PCDHA4: variants seen among roughly 807,000 people sequenced by gnomAD.
The protein encoded by PCDHA4 is protocadherin alpha-4.
A neutral mutation model predicts 61.4 loss-of-function variants in PCDHA4; 49 were observed. The ratio of observed to expected loss-of-function variants is 0.80; its 90% CI spans 0.63 to 1.01. PCDHA4 has a LOEUF of 1.01. Ranked by LOEUF, PCDHA4 falls within the 50% of genes least tolerant of loss-of-function variation. The pLI, the probability that PCDHA4 is intolerant of heterozygous loss-of-function variation, is 0.00. For missense variants in PCDHA4, 1,254 were observed against 1,235.8 expected (o/e 1.01, Z -0.22); for synonymous variants, 590 against 550.3 (o/e 1.07, Z -1.01).
chr5:140,926,915 T>A, intron 1 of PCDHA4: 1 of 1,563,726 alleles, frequency 6.4e-7, no homozygotes, highest in Non-Finnish European at 8.7e-7. Flanking sequence ...GGGGTGGCAG[T>A]TTTATGTTTG....
chr5:140,926,767 C>A (rs1323702990), intron 1 of PCDHA4: 1 of 1,359,024 alleles, frequency 7.4e-7, no homozygotes, highest in East Asian at 2.7e-5. Context: ...AGTATCCAGC[C>A]CGCAGCAGTG....
intron 1 of PCDHA4, chr5:140,884,440 G>T: frequency 1.2e-6 from 2 of 1,613,830 alleles, no homozygotes; most frequent in Non-Finnish European, 1.7e-6. Flanking sequence ...TGCGGTGCTC[G>T]GCACCGCCCA....
At chr5:140,978,319 A>G (rs1294780698) in intron 1 of PCDHA4, among the ~76,000 whole-genome samples, 2 of 152,216 alleles carry the variant, frequency 1.3e-5, no homozygotes, top group Admixed American at 1.3e-4. Context: ...AGCAGGAACA[A>G]GTACAAGTTT....
At chr5:140,848,487 G>C (rs782524885) in intron 1 of PCDHA4, 2 of 1,574,380 alleles carry the variant, frequency 1.3e-6, no homozygotes, top group Non-Finnish European at 1.7e-6. Flanking sequence ...AGAAGACTGA[G>C]TATTTGAAAT....
At chr5:140,857,103 C>G in intron 1 of PCDHA4, 1 of 1,597,644 alleles carries the variant, frequency 6.3e-7, no homozygotes, top group Non-Finnish European at 8.6e-7. Flanking sequence ...GTGATTGTCA[C>G]TTCTCTGTCT....
rs146702581 is a variant in PCDHA4 at position 140,929,720 on chromosome 5, C to T, written c.2386-49229C>T. ...TATGAATATAATATGGAAGGTGAAA[C>T]ATTTACTTAAACTATTGCAATGCAT... On this transcript the variant is annotated intron_variant, in intron 1 of 3. Coordinates refer to ENST00000530339, the MANE Select transcript of PCDHA4 (RefSeq NM_018907.4). The T allele has an allele frequency of 2.8e-3, 635 of 224,158 alleles. 4 individuals are homozygous for T. The highest frequency in any genetic ancestry group is 6.2e-3 in the African/African-American group (270 of 43,802). 13.9% of individuals were successfully genotyped at this position (224,158 alleles called of 1,614,324 possible).
chr5:140,957,063 C>T (rs2095330338), intron 1 of PCDHA4, among the ~76,000 whole-genome samples: 2 of 152,058 alleles, frequency 1.3e-5, no homozygotes, highest in African/African-American at 4.8e-5. Flanking sequence ...ATAAATGTGA[C>T]TGAGGGCTTT....
chr5:140,809,345 G>A lies in PCDHA4; in HGVS notation c.2158G>A (p.Ala720Thr), dbSNP rs138998178. The A allele has an allele frequency of 7.9e-5, 128 of 1,614,044 alleles. No homozygotes were observed. Among genetic ancestry groups the A allele is most frequent in the Non-Finnish European group, 1.0e-4 (121 of 1,179,918 alleles). ...GGTGCTCACGCTGCTGCTGTACACC[G>A]CGCTGCGGTGCTCTGCGCTGCCCAC... Reference protein sequence around the residue: ...LLVLTLLLYTALRCSALPTEG... With the variant: ...LLVLTLLLYTTLRCSALPTEG... Residue 720 changes from alanine to threonine, a missense_variant, in exon 1 of 4, where the codon GCG (alanine) becomes ACG (threonine). Ala to Thr is a moderately conservative substitution (Grantham distance 58). Transcript: ENST00000530339.
rs575783501 is a variant in PCDHA4, at chr5:140,807,680, A to G, written c.493A>G (p.Asn165Asp). Reference protein sequence around the residue: ...EGASDADIGENALLTYRLSPN... With the variant: ...EGASDADIGEDALLTYRLSPN... ...CGCCTCGGATGCAGATATCGGGGAG[A>G]ACGCCCTGCTCACTTACAGACTGAG... The change falls in exon 1 of 4, where the codon AAC becomes GAC. Residue 165 changes from asparagine (N) to aspartate (D), a missense_variant. Coordinates refer to ENST00000530339, the MANE Select transcript of PCDHA4 (RefSeq NM_018907.4). 6.2e-7 allele frequency: 1 copy of G among 1,614,200 alleles called. No individual in the cohort carries two copies. The highest frequency in any genetic ancestry group is 1.7e-5 in the Admixed American group (1 of 60,026).
At position 140,851,072 on chromosome 5, in the gene PCDHA4, A is replaced by G; in HGVS notation, c.2385+41500A>G. The stretch of plus-strand genomic sequence containing the variant: ...TTTGTCTTGACTTCTAGTGAGAATT[A>G]TAAACTGTATATTAAATAGATATTT... On this transcript the variant is annotated intron_variant, in intron 1 of 3. Coordinates refer to ENST00000530339, the MANE Select transcript of PCDHA4 (RefSeq NM_018907.4). The G allele has an allele frequency of 5.9e-6, 8 of 1,346,802 alleles. 1 individual carries two copies. The highest frequency in any genetic ancestry group is 7.8e-6 in the Non-Finnish European group (8 of 1,027,866). The allele number at this position is 1,346,802 out of a possible 1,614,324, so 83.4% of individuals were successfully genotyped here. A position where few individuals can be genotyped will look rare whatever the true frequency, so the allele number is the denominator to read the frequency against.
At position 140,882,588 on chromosome 5, in the gene PCDHA4, A is replaced by G; in HGVS notation, c.2385+73016A>G. The G allele has an allele frequency of 1.2e-6, 2 of 1,614,186 alleles. No homozygotes were observed. Among genetic ancestry groups the G allele is most frequent in the African/African-American group, 1.3e-5 (1 of 75,040 alleles). ...AGCGCGGAGTGCAGCATCCACCTGG[A>G]GGTGATCGTGGACAGGCCTCTGCAG... On this transcript the variant is annotated intron_variant, in intron 1 of 3. Coordinates refer to ENST00000530339, the MANE Select transcript of PCDHA4 (RefSeq NM_018907.4).
intron 1 of PCDHA4, among the ~76,000 whole-genome samples, chr5:140,918,366 T>G (rs1203283831): frequency 2.0e-5 from 3 of 152,180 alleles, no homozygotes; most frequent in African/African-American, 7.2e-5. Flanking sequence ...CTCTGCCTAT[T>G]TGGATGCCTT....
chr5:140,833,681 C>T (rs1401831126), intron 1 of PCDHA4, among the ~76,000 whole-genome samples: 1 of 152,082 alleles, frequency 6.6e-6, no homozygotes, highest in African/African-American at 2.4e-5. Flanking sequence ...TTCCCCAAAC[C>T]TTCTCTTATT....
chr5:140,997,668 TTGTG>T lies in PCDHA4; in HGVS notation c.2534-11933_2534-11930del, dbSNP rs35184029. On this transcript the variant is annotated intron_variant, in intron 3 of 3. Coordinates refer to ENST00000530339, the MANE Select transcript of PCDHA4 (RefSeq NM_018907.4). ...AATGCAATATGTATTATTATACAGC[TTGTG>T]TGTGTGTGTGTGTGTGTGTGTGTGT... Among the ~76,000 whole-genome samples, 716 of 148,202 alleles carry T rather than the reference TTGTG, an allele frequency of 4.8e-3. 2 individuals carry two copies. The highest frequency in any genetic ancestry group is 0.01 in the Middle Eastern group (3 of 294).
intron 1 of PCDHA4, among the ~76,000 whole-genome samples, chr5:140,950,786 T>A (rs890329662): frequency 6.6e-6 from 1 of 152,140 alleles, no homozygotes; most frequent in Non-Finnish European, 1.5e-5. Context: ...TGGTACTTTT[T>A]AAATATTGTC....
chr5:140,970,210 C>G (rs184537292), intron 1 of PCDHA4, among the ~76,000 whole-genome samples: 1 of 152,190 alleles, frequency 6.6e-6, no homozygotes, highest in Non-Finnish European at 1.5e-5. Context: ...CTGAATTTAG[C>G]TTAAATGCAG....
chr5:140,976,395 T>G (rs973484895), intron 1 of PCDHA4, among the ~76,000 whole-genome samples: 1 of 151,734 alleles, frequency 6.6e-6, no homozygotes, highest in Middle Eastern at 3.4e-3. Flanking sequence ...TACTAAAAAT[T>G]CAAAAATTAG....
chr5:140,868,091 G>T (rs1355947056), intron 1 of PCDHA4: 1 of 151,974 alleles, frequency 6.6e-6, no homozygotes, highest in African/African-American at 2.4e-5. Flanking sequence ...TTTATAAAAT[G>T]ATAATAAAAT....
At chr5:140,981,378 A>G (rs1386165836) in intron 2 of PCDHA4, among the ~76,000 whole-genome samples, 3 of 152,186 alleles carry the variant, frequency 2.0e-5, no homozygotes, top group Non-Finnish European at 4.4e-5. Flanking sequence ...GTTCAAGACC[A>G]GCCTGGTCAA....
Sources: gnomAD v4.1 joint callset for allele counts (sites outside exome capture counted in the v4.1 genomes callset) on GRCh38, gnomAD v4.1.1 for gene constraint, MANE v1.5 for transcripts, NCBI Gene and HGNC (gene_info 2026-07-23, HGNC 2026-07-21) for gene names.